Variants in ROCK2 observed in about 807,000 individuals in gnomAD.
The protein encoded by ROCK2 is rho-associated protein kinase 2.
A neutral mutation model predicts 195.1 loss-of-function variants in ROCK2; 61 were observed. The observed-to-expected ratio is 0.31, with a 90% CI of 0.25 to 0.39. The LOEUF (loss-of-function observed/expected upper bound fraction) is 0.39. Among genes scored for constraint, ROCK2 ranks in the 10% least tolerant of loss-of-function variants. The pLI, the probability that ROCK2 is intolerant of heterozygous loss-of-function variation, is 1.00. For synonymous variants in ROCK2, 504 were observed against 545.5 expected (o/e 0.92, Z 1.06); for missense variants, 1,109 against 1,637.4 (o/e 0.68, Z 5.57).
intron 3 of ROCK2, among the ~76,000 whole-genome samples, chr2:11,278,608 G>A (rs927923241): frequency 6.6e-6 from 1 of 152,042 alleles, no homozygotes; most frequent in African/African-American, 2.4e-5. Flanking sequence ...TGTAAAGGTA[G>A]TTTTATTTTA....
intron 3 of ROCK2, among the ~76,000 whole-genome samples, chr2:11,285,261 TA>T (rs35144359): frequency 0.5 from 58,797 of 117,224 alleles, 13,799 homozygotes; most frequent in Admixed American, 0.58. Context: ...AAACTCTGTC[TA>T]AAAAAAAAAA....
At chr2:11,327,935 G>GT (rs1204633203) in intron 1 of ROCK2, among the ~76,000 whole-genome samples, 1 of 152,134 alleles carries the variant, frequency 6.6e-6, no homozygotes, top group Non-Finnish European at 1.5e-5. Flanking sequence ...TTTTGTTTTT[G>GT]TTTTTGTGAT....
At chr2:11,198,447 CTG>C in intron 25 of ROCK2, 42 bp downstream of exon 25, 2 of 1,340,688 alleles carry the variant, frequency 1.5e-6, no homozygotes, top group South Asian at 1.2e-5. Flanking sequence ...AAGAGATAAA[CTG>C]AGACAAAATT....
intron 23 of ROCK2, among the ~76,000 whole-genome samples, chr2:11,200,657 C>T (rs993480381): frequency 6.6e-6 from 1 of 152,008 alleles, no homozygotes; most frequent in Non-Finnish European, 1.5e-5. Flanking sequence ...ATTTTTTCAA[C>T]CTGCACGGAA....
chr2:11,284,528 C>T (rs72787689), intron 3 of ROCK2, among the ~76,000 whole-genome samples: 6,466 of 152,092 alleles, frequency 0.043, 277 homozygotes, highest in Non-Finnish European at 0.06. Flanking sequence ...ACCTTCCTCT[C>T]GATTTTACTG....
rs940252560 is a variant in ROCK2, at chr2:11,235,519, T to C, written c.723+183A>G. On this transcript the variant is annotated intron_variant, in intron 5 of 32. Transcript: ENST00000315872. The surrounding 1 kb of genome is among the most constrained non-coding windows in gnomAD (Gnocchi z 4.2). Reference sequence around the variant, plus strand: ...AAGTACTCTACAGCTACATAAATGATTACAAAAGAAATGTTTTAAGTTGGT... The same window carrying C: ...AAGTACTCTACAGCTACATAAATGACTACAAAAGAAATGTTTTAAGTTGGT... Among the ~76,000 whole-genome samples, 1 of 152,202 alleles carries C rather than the reference T, an allele frequency of 6.6e-6. No homozygotes were observed. The highest frequency in any genetic ancestry group is 1.5e-5 in the Non-Finnish European group (1 of 68,016).
At chr2:11,252,148 C>T (rs924457980) in intron 3 of ROCK2, among the ~76,000 whole-genome samples, 6 of 152,088 alleles carry the variant, frequency 3.9e-5, no homozygotes, top group Non-Finnish European at 7.4e-5. Context: ...TGGTGGCTCA[C>T]GCCTGTAAAC....
chr2:11,258,921 G>A (rs1284974503), intron 3 of ROCK2, among the ~76,000 whole-genome samples: 1 of 151,238 alleles, frequency 6.6e-6, no homozygotes, highest in Non-Finnish European at 1.5e-5. Flanking sequence ...TGGAGCTGAG[G>A]AGGAAGAGTT....
intron 4 of ROCK2, among the ~76,000 whole-genome samples, chr2:11,242,134 T>TTA (rs1486929075): frequency 6.6e-6 from 1 of 152,118 alleles, no homozygotes; most frequent in Admixed American, 6.5e-5. Flanking sequence ...TTTCTGTTGT[T>TTA]TATAAGCTAC....
At chr2:11,295,971 AGAGAGAGAGAGAGAGAGAG>A (rs1403785690) in intron 1 of ROCK2, among the ~76,000 whole-genome samples, 2 of 74,690 alleles carry the variant, frequency 2.7e-5, no homozygotes, top group African/African-American at 8.3e-5. Context: ...AACAAAAGAG[AGAGAGAGAGAGAGAGAGAG>A]GAGAGAGAGA....
intron 3 of ROCK2, among the ~76,000 whole-genome samples, chr2:11,255,363 A>T (rs1359012859): frequency 6.6e-6 from 1 of 151,126 alleles, no homozygotes; most frequent in African/African-American, 2.5e-5. Flanking sequence ...GTATTCAAAG[A>T]AAAATAACAA....
rs1663871459 is a variant in ROCK2 at position 11,202,059 on chromosome 2, T to C, written c.2612A>G (p.Tyr871Cys). 1 of 1,613,286 alleles carries C rather than the reference T, an allele frequency of 6.2e-7. No homozygotes were observed. The highest frequency in any genetic ancestry group is 8.5e-7 in the Non-Finnish European group (1 of 1,179,438). The change falls in exon 21 of 33, where the codon TAT (tyrosine) becomes TGT (cysteine). Residue 871 changes from tyrosine to cysteine, a missense_variant. Tyr to Cys is a radical substitution (Grantham distance 194). Coordinates refer to ENST00000315872, the MANE Select transcript of ROCK2 (RefSeq NM_004850.5). The stretch of plus-strand genomic sequence containing the variant: ...AATGTGTCTTGAACTTACTGAGAAA[T>C]ACTGTTCTGCTTCGAGCTGATCCTG... Reference protein sequence around the residue: ...ELQDQLEAEQYFSTLYKTQVR... With the variant: ...ELQDQLEAEQCFSTLYKTQVR...
intron 1 of ROCK2, among the ~76,000 whole-genome samples, chr2:11,290,719 A>G (rs1202523680): frequency 2.0e-5 from 3 of 152,206 alleles, no homozygotes; most frequent in African/African-American, 7.2e-5. Flanking sequence ...AGCAAGATCA[A>G]TGACTGATAA....
intron 6 of ROCK2, among the ~76,000 whole-genome samples, chr2:11,226,912 G>GA (rs36080073): frequency 0.01 from 1,028 of 100,740 alleles, 14 homozygotes; most frequent in African/African-American, 0.033. Context: ...CCCTGCCTCA[G>GA]AAAAAAAAAA....
chr2:11,233,193 A>C (rs980072247), intron 5 of ROCK2, among the ~76,000 whole-genome samples: 2 of 152,216 alleles, frequency 1.3e-5, no homozygotes, highest in Admixed American at 1.3e-4. Context: ...CAGCCTGGGC[A>C]ATAGAGGAGA....
Position 11,219,019 on chromosome 2 carries a change from T to C in ROCK2, c.1267A>G (p.Ser423Gly). 6.8e-7 allele frequency: 1 copy of C among 1,466,014 alleles called. No individual in the cohort carries two copies. The highest frequency in any genetic ancestry group is 9.3e-7 in the Non-Finnish European group (1 of 1,070,760). 90.8% of individuals were successfully genotyped at this position (1,466,014 alleles called of 1,614,324 possible). A position where few individuals can be genotyped will look rare whatever the true frequency, so the allele number is the denominator to read the frequency against. ...FTYYRENLLL[S>G]DSPSCRETDS... ...GTTTCTCTACAAGATGGAGAGTCACTTAATAATCTACATGGAAGGGGGGAG... is the reference window on the plus strand; with the variant it reads ...GTTTCTCTACAAGATGGAGAGTCACCTAATAATCTACATGGAAGGGGGGAG... The change falls in exon 10 of 33, where the codon AGT becomes GGT. Residue 423 changes from serine (S) to glycine (G), a missense_variant. Transcript: ENST00000315872.
chr2:11,185,823 A>G (rs1663176366), intron 32 of ROCK2, among the ~76,000 whole-genome samples: 1 of 152,194 alleles, frequency 6.6e-6, no homozygotes, highest in Admixed American at 6.5e-5. Flanking sequence ...TCATGAATCA[A>G]CTTGTGCCAA....
rs1289355348 is a variant in ROCK2, at chr2:11,307,242, C to T, written c.142-19506G>A. Among the ~76,000 whole-genome samples the T allele has an allele frequency of 3.3e-5, 5 of 152,144 alleles. No homozygotes were observed. The South Asian group carries it at 1.0e-3, about 32-fold the overall frequency. On this transcript the variant is annotated intron_variant, in intron 1 of 32. Coordinates refer to ENST00000315872, the MANE Select transcript of ROCK2 (RefSeq NM_004850.5). Reference sequence around the variant, plus strand: ...TCCCATTTTATAAATACTTTTTTCTCCTGTGTACCAGGTAATGAAGCTGAC... The same window carrying T: ...TCCCATTTTATAAATACTTTTTTCTTCTGTGTACCAGGTAATGAAGCTGAC...
In ROCK2 at chr2:11,190,329, A is replaced by G. The variant is rs147104652; in HGVS notation, c.4163+1819T>C. On this transcript the variant is annotated intron_variant, in intron 32 of 32. Transcript: ENST00000315872. Reference sequence around the variant, plus strand: ...CAAAATGTGTTTTTTAAAAAAATCAATGAAGAATGATTCACAGGGCAAGGC... The same window carrying G: ...CAAAATGTGTTTTTTAAAAAAATCAGTGAAGAATGATTCACAGGGCAAGGC... Among the ~76,000 whole-genome samples the G allele has an allele frequency of 3.3e-4, 50 of 151,316 alleles. No homozygotes were observed. The East Asian group carries it at 7.6e-3, about 23-fold the overall frequency.
Sources: gnomAD v4.1 joint callset for allele counts (sites outside exome capture counted in the v4.1 genomes callset) on GRCh38, gnomAD v4.1.1 for gene constraint, Gnocchi (gnomAD v3.1) non-coding constraint, MANE v1.5 for transcripts, NCBI Gene and HGNC (gene_info 2026-07-23, HGNC 2026-07-21) for gene names.